The following B4GALT5 variants were observed in gnomAD, a reference collection of about 807,000 sequenced individuals.
B4GALT5 encodes the protein UDP-Gal:beta-GlcNAc beta-1,4-galactosyltransferase 5.
In B4GALT5, 11 loss-of-function variants were observed where a neutral mutation model predicts 45.0. The observed-to-expected ratio is 0.24, with a 90% CI of 0.15 to 0.40. The LOEUF is 0.40. B4GALT5 is among the 10% of genes least tolerant of loss of function. B4GALT5 has a pLI of 1.00. For missense variants in B4GALT5, 337 were observed against 500.2 expected (o/e 0.67, Z 3.11); for synonymous variants, 185 against 182.9 (o/e 1.01, Z -0.09).
intron 1 of B4GALT5, among the ~76,000 whole-genome samples, chr20:49,660,633 T>C (rs950214104): frequency 1.3e-5 from 2 of 152,210 alleles, no homozygotes; most frequent in Non-Finnish European, 2.9e-5. Context: ...TCCTGTGCAA[T>C]GCTCATGTAG....
At chr20:49,704,613 G>C (rs1327686813) in intron 1 of B4GALT5, among the ~76,000 whole-genome samples, 1 of 151,172 alleles carries the variant, frequency 6.6e-6, no homozygotes, top group East Asian at 1.9e-4. Context: ...CAGCTACTTG[G>C]GAGGCTGAGG....
chr20:49,713,682 G>A lies in B4GALT5; in HGVS notation c.9C>T (p.Ala3=), dbSNP rs1222719132. 1.3e-5 allele frequency: 19 copies of A among 1,492,570 alleles called. No homozygotes were observed. The Admixed American group carries it at 1.3e-4, about 10-fold the overall frequency. The allele number at this position is 1,492,570 out of a possible 1,614,324, so 92.5% of individuals were successfully genotyped here. A position where few individuals can be genotyped will look rare whatever the true frequency, so the allele number is the denominator to read the frequency against. The change falls in exon 1 of 9, where the codon GCC becomes GCT. Residue 3 remains alanine (A), a synonymous_variant. Coordinates refer to ENST00000371711, the MANE Select transcript of B4GALT5 (RefSeq NM_004776.4). ...GCGGCAGCCGCAGCAGCCCCCGGCG[G>A]GCGCGCATGCTGCAGCCAGGCGGCC... MR[A]RRGLLRLPRR...
At chr20:49,706,378 CA>C (rs1261315425) in intron 1 of B4GALT5, among the ~76,000 whole-genome samples, 2 of 152,140 alleles carry the variant, frequency 1.3e-5, no homozygotes, top group South Asian at 4.1e-4. Context: ...TTTTCAACCA[CA>C]TTGTATGTGC....
intron 1 of B4GALT5, among the ~76,000 whole-genome samples, chr20:49,663,707 A>C (rs370959250): frequency 0.29 from 27,289 of 93,638 alleles, 6,252 homozygotes; most frequent in South Asian, 0.49. Flanking sequence ...ACATATATAT[A>C]TATATATATA....
At chr20:49,704,442 G>C (rs6095614) in intron 1 of B4GALT5, among the ~76,000 whole-genome samples, 1 of 152,176 alleles carries the variant, frequency 6.6e-6, no homozygotes, top group South Asian at 2.1e-4. Context: ...CATTGCGGCC[G>C]GGCGCGGTGG....
At chr20:49,676,798 A>G (rs2085739381) in intron 1 of B4GALT5, among the ~76,000 whole-genome samples, 1 of 152,254 alleles carries the variant, frequency 6.6e-6, no homozygotes, top group South Asian at 2.1e-4. Flanking sequence ...CCATAAAGCA[A>G]TAATTTTCAC....
intron 1 of B4GALT5, among the ~76,000 whole-genome samples, chr20:49,693,850 G>A (rs372815978): frequency 3.6e-4 from 55 of 152,240 alleles, no homozygotes; most frequent in African/African-American, 1.2e-3. Flanking sequence ...TTGCATAAGG[G>A]GTAGCCTCAG....
chr20:49,662,746 T>C (rs1465987779), intron 1 of B4GALT5, among the ~76,000 whole-genome samples: 2 of 152,200 alleles, frequency 1.3e-5, no homozygotes, highest in Non-Finnish European at 2.9e-5. Flanking sequence ...GTTACTCTCA[T>C]TCCTCATAAA....
At chr20:49,659,700 G>A (rs1288836564) in intron 1 of B4GALT5, among the ~76,000 whole-genome samples, 1 of 152,054 alleles carries the variant, frequency 6.6e-6, no homozygotes, top group Non-Finnish European at 1.5e-5. Context: ...CCCACTACTG[G>A]GGAACTATGA....
chr20:49,653,387 C>T (rs2085630066), intron 2 of B4GALT5, among the ~76,000 whole-genome samples: 1 of 152,248 alleles, frequency 6.6e-6, no homozygotes, highest in South Asian at 2.1e-4. Context: ...AAACATGCTA[C>T]AACACTTAAG....
intron 1 of B4GALT5, among the ~76,000 whole-genome samples, chr20:49,663,690 AATATATACATATATAT>A (rs202168151): frequency 1.3e-4 from 13 of 96,950 alleles, no homozygotes; most frequent in African/African-American, 3.1e-4. Flanking sequence ...AAAAAAAAAA[AATATATACATATATAT>A]ATATATATAT....
intron 1 of B4GALT5, among the ~76,000 whole-genome samples, chr20:49,705,960 A>G (rs13043361): frequency 0.51 from 76,243 of 150,224 alleles, 19,632 homozygotes; most frequent in South Asian, 0.65. Flanking sequence ...AGGACGGATC[A>G]CCTGAGGTCT....
chr20:49,703,391 C>T (rs926824476), intron 1 of B4GALT5, among the ~76,000 whole-genome samples: 11 of 152,192 alleles, frequency 7.2e-5, no homozygotes, highest in East Asian at 3.9e-4. Flanking sequence ...TGCAGTCCAA[C>T]GACCAAGAGG....
At chr20:49,638,550 T>G (rs917669309) in intron 7 of B4GALT5, among the ~76,000 whole-genome samples, 1 of 152,218 alleles carries the variant, frequency 6.6e-6, no homozygotes, top group Admixed American at 6.5e-5. Flanking sequence ...TAAATCTATG[T>G]AGACATATCA....
In B4GALT5 at chr20:49,663,692, TATATAC is replaced by T. The variant is rs1482519032; in HGVS notation, c.116-6996_116-6991del. 2.0e-3 allele frequency among the ~76,000 whole-genome samples: 128 copies of T among 64,274 alleles called. 9 individuals are homozygous for T. Among genetic ancestry groups the T allele is most frequent in the African/African-American group, 6.0e-3 (83 of 13,844 alleles). 42.2% of individuals were successfully genotyped at this position (64,274 alleles called of 152,430 possible). ...CATCTCAAGAAAAAAAAAAAAAAAA[TATATAC>T]ATATATATATATATATATATATATA... On this transcript the variant is annotated intron_variant, in intron 1 of 8. Coordinates refer to ENST00000371711, the MANE Select transcript of B4GALT5 (RefSeq NM_004776.4).
intron 1 of B4GALT5, among the ~76,000 whole-genome samples, chr20:49,660,072 G>A (rs2085659258): frequency 6.6e-6 from 1 of 152,044 alleles, no homozygotes; most frequent in South Asian, 2.1e-4. Flanking sequence ...TTCTATGTGT[G>A]CCCCTCCCAT....
At chr20:49,702,948 C>T (rs1342658258) in intron 1 of B4GALT5, among the ~76,000 whole-genome samples, 3 of 151,618 alleles carry the variant, frequency 2.0e-5, no homozygotes, top group Admixed American at 6.6e-5. Flanking sequence ...CTGAGGCGGG[C>T]GGATCATGAG....
intron 1 of B4GALT5, among the ~76,000 whole-genome samples, chr20:49,709,005 G>A (rs953570732): frequency 5.3e-5 from 8 of 151,502 alleles, no homozygotes; most frequent in African/African-American, 9.7e-5. Flanking sequence ...TCTTGAAACC[G>A]ATAACTGTTT....
chr20:49,637,131 C>A (rs569539211), intron 8 of B4GALT5, among the ~76,000 whole-genome samples: 1 of 152,144 alleles, frequency 6.6e-6, no homozygotes, highest in African/African-American at 2.4e-5. Flanking sequence ...TGATTTCCTT[C>A]GAAGAATCTT....
Sources: gnomAD v4.1 joint callset for allele counts (sites outside exome capture counted in the v4.1 genomes callset) on GRCh38, gnomAD v4.1.1 for gene constraint, MANE v1.5 for transcripts, NCBI Gene and HGNC (gene_info 2026-07-23, HGNC 2026-07-21) for gene names.